ZNF300: variants seen among roughly 807,000 people sequenced by gnomAD.
The protein encoded by ZNF300 is zinc finger protein 300.
A neutral mutation model predicts 13.9 loss-of-function variants in ZNF300; 6 were observed. That is an observed-to-expected ratio of 0.43 (90% CI 0.24 to 0.85). The LOEUF (loss-of-function observed/expected upper bound fraction) is 0.85, where lower values mean the gene tolerates loss of function less well. Among genes scored for constraint, ZNF300 ranks in the 40% least tolerant of loss-of-function variants. The probability of loss-of-function intolerance (pLI) is 0.25; values close to 1 mark genes in which losing one functional copy is unlikely to be tolerated. For synonymous variants in ZNF300, 237 were observed against 242.2 expected, an observed-to-expected ratio of 0.98 and a Z score of 0.20; for missense variants, 662 against 714.2, an observed-to-expected ratio of 0.93 and a Z score of 0.83.
In ZNF300 at chr5:150,896,700, G is replaced by A; in HGVS notation, c.539C>T (p.Ser180Leu). The A allele has an allele frequency of 6.2e-7, 1 of 1,613,408 alleles. No individual in the cohort carries two copies. The highest frequency in any genetic ancestry group is 8.5e-7 in the Non-Finnish European group (1 of 1,179,680). Residue 180 changes from serine to leucine, a missense_variant, in exon 6 of 6, where the codon TCA (serine) becomes TTA (leucine). Transcript: ENST00000274599. ...IFQECIETDISIQRFHKYDAF... is the reference protein window; with the variant it reads ...IFQECIETDILIQRFHKYDAF... ...ATCATATTTATGGAATCTCTGTATT[G>A]ATATATCTGTTTCTATGCACTCTTG... is the stretch of plus-strand genomic sequence containing the variant.
intron 3 of ZNF300, chr5:150,900,676 C>T (rs904042162): frequency 8.6e-5 from 13 of 151,878 alleles, no homozygotes; most frequent in African/African-American, 2.7e-4. Flanking sequence ...ACTTAAGAAA[C>T]GTTTGTTAAA....
intron 5 of ZNF300, chr5:150,897,206 G>T (rs1451907881): frequency 5.1e-6 from 2 of 391,068 alleles, no homozygotes; most frequent in Non-Finnish European, 9.0e-6. Context: ...AAAAAGTGGG[G>T]TCTCATCACT....
chr5:150,903,295 G>C (rs762484074), intron 2 of ZNF300, 113 bp from the exon 3 acceptor site: 1 of 1,590,618 alleles, frequency 6.3e-7, no homozygotes, highest in East Asian at 2.3e-5. Context: ...TAACTAATGG[G>C]CTACCCTGTG....
In ZNF300 at chr5:150,896,235, G is replaced by C. The variant is rs1413791431; in HGVS notation, c.1004C>G (p.Ser335Cys). Residue 335 changes from serine to cysteine, a missense_variant, in exon 6 of 6, where the codon TCT becomes TGT. Transcript: ENST00000274599. ...YDCSECGKAF[S>C]QKSSLIIHQR... ...ATGTATAATAAGGGACGATTTCTGA[G>C]AGAAGGCTTTTCCACATTCAGAACA... The C allele has an allele frequency of 6.2e-7, 1 of 1,613,670 alleles. No individual in the cohort carries two copies.
At position 150,895,386 on chromosome 5, in the gene ZNF300, G is replaced by T; in HGVS notation, c.*38C>A. ...AATTGGGTTTCTAGTAATTATTAAG[G>T]CTTGAGCTAATACTAAGGCTTTTCT... On this transcript the variant is annotated 3_prime_UTR_variant, in exon 6 of 6. Transcript: ENST00000274599. The T allele has an allele frequency of 6.9e-7, 1 of 1,446,904 alleles. No individual in the cohort carries two copies. The allele number at this position is 1,446,904 out of a possible 1,614,324, so 89.6% of individuals were successfully genotyped here.
At chr5:150,897,435 G>C (rs558622641) in intron 5 of ZNF300, 2 of 155,816 alleles carry the variant, frequency 1.3e-5, no homozygotes, top group African/African-American at 4.8e-5. Flanking sequence ...CCAATATCCT[G>C]CTACAGATTC....
At chr5:150,902,672 T>C (rs188044722) in intron 3 of ZNF300, among the ~76,000 whole-genome samples, 5,889 of 152,250 alleles carry the variant, frequency 0.039, 178 homozygotes, top group East Asian at 0.16. Flanking sequence ...TTGCCAACCC[T>C]CACTCAAGAA....
chr5:150,895,752 C>T lies in ZNF300; in HGVS notation c.1487G>A (p.Ser496Asn), dbSNP rs765487598. ...THTGEKPYKCSECGKAFCQKS... is the reference protein window; with the variant it reads ...THTGEKPYKCNECGKAFCQKS... ...CTGGCAGAAGGCTTTGCCACATTCA[C>T]TACATTTATAGGGTTTTTCTCCAGT... The change falls in exon 6 of 6, where the codon AGT (serine) becomes AAT (asparagine). Residue 496 changes from serine to asparagine, a missense_variant. By Grantham distance (46) the Ser-to-Asn change is conservative. Coordinates refer to ENST00000274599, the MANE Select transcript of ZNF300 (RefSeq NM_052860.4). 1 of 1,613,552 alleles carries T rather than the reference C, an allele frequency of 6.2e-7. No homozygotes were observed. Among genetic ancestry groups the T allele is most frequent in the Non-Finnish European group, 8.5e-7 (1 of 1,179,822 alleles).
intron 3 of ZNF300, chr5:150,900,472 C>T (rs1178509763): frequency 6.6e-6 from 1 of 152,112 alleles, no homozygotes; most frequent in Non-Finnish European, 1.5e-5. Context: ...TCTGCTATAA[C>T]AGTACCTGCT....
chr5:150,896,529 C>T lies in ZNF300; in HGVS notation c.710G>A (p.Gly237Glu). 1 of 1,613,674 alleles carries T rather than the reference C, an allele frequency of 6.2e-7. No individual in the cohort carries two copies. Among genetic ancestry groups the T allele is most frequent in the Non-Finnish European group, 8.5e-7 (1 of 1,179,834 alleles). The change falls in exon 6 of 6, where the codon GGA becomes GAA. Residue 237 changes from glycine to glutamate, a missense_variant. Coordinates refer to ENST00000274599, the MANE Select transcript of ZNF300 (RefSeq NM_052860.4). The stretch of plus-strand genomic sequence containing the variant: ...CTGATTATCATCAAAAGGTATTACT[C>T]CATTGTGAATCTTCTCAAGATTAGA... ...PNSNLEKIHN[G>E]VIPFDDNQCG...
At chr5:150,903,378 T>A (rs923972505) in intron 2 of ZNF300, 196 bp from the exon 3 acceptor site, 3 of 1,542,282 alleles carry the variant, frequency 1.9e-6, no homozygotes, top group African/African-American at 2.7e-5. Flanking sequence ...TTTACTCCTC[T>A]TGTACCTATA....
rs1754707590 is a variant in ZNF300 at position 150,895,126 on chromosome 5, TATC to T, written c.*295_*297del. The T allele has an allele frequency of 3.9e-6, 1 of 254,052 alleles. No individual in the cohort carries two copies. The highest frequency in any genetic ancestry group is 5.1e-5 in the Admixed American group (1 of 19,618). 15.7% of individuals were successfully genotyped at this position (254,052 alleles called of 1,614,324 possible). A position where few individuals can be genotyped will look rare whatever the true frequency, so the allele number is the denominator to read the frequency against. On this transcript the variant is annotated 3_prime_UTR_variant, in exon 6 of 6. Coordinates refer to ENST00000274599, the MANE Select transcript of ZNF300 (RefSeq NM_052860.4). Reference sequence around the variant, plus strand: ...TATTAGCAGTTTCACAATGGCTGATTATCATTTTGTAGTATAAGGAATATGCAA... The same window carrying T: ...TATTAGCAGTTTCACAATGGCTGATTATTTTGTAGTATAAGGAATATGCAA...
Position 150,896,011 on chromosome 5 carries a change from C to T in ZNF300, c.1228G>A (p.Glu410Lys), listed in dbSNP as rs1754756053. 6.2e-6 allele frequency: 10 copies of T among 1,613,442 alleles called. No individual in the cohort carries two copies. The highest frequency in any genetic ancestry group is 4.5e-5 in the East Asian group (2 of 44,844). ...HRAHTGEKPY[E>K]CTECGKAFCE... ...AAGGCTTTCCCACATTCGGTACACT[C>T]ATACGGCTTCTCTCCAGTATGAGCT... Residue 410 changes from glutamate (E) to lysine (K), a missense_variant, in exon 6 of 6, where the codon GAG (glutamate) becomes AAG (lysine). Transcript: ENST00000274599.
chr5:150,896,375 T>C lies in ZNF300; in HGVS notation c.864A>G (p.Gln288=). The C allele has an allele frequency of 6.2e-7, 1 of 1,613,646 alleles. No individual in the cohort carries two copies. Among genetic ancestry groups the C allele is most frequent in the South Asian group, 1.1e-5 (1 of 91,054 alleles). The change falls in exon 6 of 6, where the codon CAA becomes CAG. Residue 288 remains glutamine (Q), a synonymous_variant. Coordinates refer to ENST00000274599, the MANE Select transcript of ZNF300 (RefSeq NM_052860.4). ...ATGGTTTCTTTCCAGTATGAATTCT[T>C]TGATGTACAATGAGTTGTGACTTCT... ...FAKKSQLIVH[Q]RIHTGKKPYD...
At position 150,896,940 on chromosome 5, in the gene ZNF300, C is replaced by T. The variant is rs372902064; in HGVS notation, c.299G>A (p.Cys100Tyr). The change falls in exon 6 of 6, where the codon TGT becomes TAT. Residue 100 changes from cysteine (C) to tyrosine (Y), a missense_variant. By Grantham distance (194) the Cys-to-Tyr change is radical. Coordinates refer to ENST00000274599, the MANE Select transcript of ZNF300 (RefSeq NM_052860.4). ...ATGGAAGGAAACTGTCCCCAAAATA[C>T]ATGACTGGGAGTTGTGAAGGTTACT... ...RKSNLHNSQS[C>Y]ILGTVSFHHK... is the part of the protein sequence containing the mutation. The T allele has an allele frequency of 1.6e-5, 26 of 1,612,676 alleles. No individual in the cohort carries two copies. Among genetic ancestry groups the T allele is most frequent in the Non-Finnish European group, 2.1e-5 (25 of 1,179,386 alleles).
At chr5:150,903,671 CTT>C (rs1331390198) in intron 2 of ZNF300, among the ~76,000 whole-genome samples, 191 bp downstream of exon 2, 1 of 152,200 alleles carries the variant, frequency 6.6e-6, no homozygotes, top group Non-Finnish European at 1.5e-5. Context: ...CAAGAACTCT[CTT>C]ATATTTTCCC....
Position 150,895,874 on chromosome 5 carries a change from A to T in ZNF300, c.1365T>A (p.His455Gln). 1 of 1,613,624 alleles carries T rather than the reference A, an allele frequency of 6.2e-7. No individual in the cohort carries two copies. The highest frequency in any genetic ancestry group is 8.5e-7 in the Non-Finnish European group (1 of 1,179,836). The stretch of plus-strand genomic sequence containing the variant: ...GTTTTTCCCCAGTATGAACTAACTG[A>T]TGTGTAATGAGTTCTGTCTTCCTGC... ...AFSRKTELIT[H>Q]QLVHTGEKPY... Residue 455 changes from histidine (H) to glutamine (Q), a missense_variant, in exon 6 of 6, where the codon CAT becomes CAA. Coordinates refer to ENST00000274599, the MANE Select transcript of ZNF300 (RefSeq NM_052860.4).
chr5:150,899,164 G>A (rs533937706), intron 3 of ZNF300, among the ~76,000 whole-genome samples: 9 of 152,054 alleles, frequency 5.9e-5, no homozygotes, highest in Non-Finnish European at 1.2e-4. Context: ...GAACAACCTT[G>A]ATTTTGGACT....
In ZNF300 at chr5:150,895,866, A is replaced by G; in HGVS notation, c.1373T>C (p.Val458Ala). The change falls in exon 6 of 6, where the codon GTT becomes GCT. Residue 458 changes from valine to alanine, a missense_variant. Coordinates refer to ENST00000274599, the MANE Select transcript of ZNF300 (RefSeq NM_052860.4). ...RKTELITHQLVHTGEKPYECT... is the reference protein window; with the variant it reads ...RKTELITHQLAHTGEKPYECT... Reference sequence around the variant, plus strand: ...TTCATAAGGTTTTTCCCCAGTATGAACTAACTGATGTGTAATGAGTTCTGT... The same window carrying G: ...TTCATAAGGTTTTTCCCCAGTATGAGCTAACTGATGTGTAATGAGTTCTGT... The G allele has an allele frequency of 6.2e-7, 1 of 1,613,602 alleles. No homozygotes were observed. Among genetic ancestry groups the G allele is most frequent in the Non-Finnish European group, 8.5e-7 (1 of 1,179,840 alleles).
Sources: allele counts gnomAD v4.1 joint callset (sites outside exome capture counted in the v4.1 genomes callset), GRCh38; gene constraint gnomAD v4.1.1; transcripts MANE v1.5; gene names NCBI Gene and HGNC (gene_info 2026-07-23, HGNC 2026-07-21).